The following TRAPPC9 variants were observed in gnomAD, a reference collection of about 807,000 sequenced individuals.
TRAPPC9 encodes IKK2 binding protein.
Under a neutral mutation model 124.0 loss-of-function variants are expected in TRAPPC9, and 83 were observed. That is an observed-to-expected ratio of 0.67 (90% CI 0.56 to 0.80). The LOEUF (loss-of-function observed/expected upper bound fraction) is 0.80, where lower values mean the gene tolerates loss of function less well. Ranked by LOEUF, TRAPPC9 falls within the 30% of genes least tolerant of loss-of-function variation. TRAPPC9 has a pLI of 0.00. For synonymous variants in TRAPPC9, 638 were observed against 617.5 expected (o/e 1.03, Z -0.49); for missense variants, 1,302 against 1,508.3 (o/e 0.86, Z 2.27).
In TRAPPC9 at chr8:140,079,147, G is replaced by A. The variant is rs534358938; in HGVS notation, c.2557-55068C>T. Reference sequence around the variant, plus strand: ...TCTCTTGCCTGCTGCCATGTAAGACGTGACTTTGTTCCTCATTCACCTTCT... The same window carrying A: ...TCTCTTGCCTGCTGCCATGTAAGACATGACTTTGTTCCTCATTCACCTTCT... On this transcript the variant is annotated intron_variant, in intron 17 of 22. Coordinates refer to ENST00000438773, the MANE Select transcript of TRAPPC9 (RefSeq NM_001160372.4). 2.0e-5 allele frequency among the ~76,000 whole-genome samples: 3 copies of A among 152,220 alleles called. No homozygotes were observed. The East Asian group carries it at 5.8e-4, about 29-fold the overall frequency.
intron 7 of TRAPPC9, among the ~76,000 whole-genome samples, chr8:140,376,831 C>T (rs1156404023): frequency 2.0e-5 from 3 of 147,548 alleles, no homozygotes; most frequent in East Asian, 4.0e-4. Flanking sequence ...GAACCGAGAT[C>T]GCGCCACTGC....
At chr8:139,939,137 G>A (rs1299241216) in intron 19 of TRAPPC9, among the ~76,000 whole-genome samples, 1 of 152,226 alleles carries the variant, frequency 6.6e-6, no homozygotes, top group African/African-American at 2.4e-5. Context: ...GGCCAGACAA[G>A]TGAGCAGGCA....
intron 18 of TRAPPC9, among the ~76,000 whole-genome samples, chr8:140,005,908 TAA>T (rs757182607): frequency 4.2e-4 from 44 of 104,032 alleles, no homozygotes; most frequent in Admixed American, 5.1e-4. Context: ...AGACCCTGTC[TAA>T]AAAAAAAAAA....
intron 17 of TRAPPC9, among the ~76,000 whole-genome samples, chr8:140,055,407 A>G (rs1326147799): frequency 6.6e-6 from 1 of 152,232 alleles, no homozygotes; most frequent in African/African-American, 2.4e-5. Flanking sequence ...CCCACAGCTA[A>G]TATCACACTC....
chr8:140,383,294 C>T lies in TRAPPC9; in HGVS notation c.1135-12114G>A, dbSNP rs146816803. Reference sequence around the variant, plus strand: ...AAGGAACACAGCTCCTCACCAGCAACGGAGCAAAGCTAGACAGAGAATGAC... The same window carrying T: ...AAGGAACACAGCTCCTCACCAGCAATGGAGCAAAGCTAGACAGAGAATGAC... On this transcript the variant is annotated intron_variant, in intron 7 of 22. Transcript: ENST00000438773. 2.9e-3 allele frequency among the ~76,000 whole-genome samples: 435 copies of T among 152,288 alleles called. 2 individuals are homozygous for T. Among genetic ancestry groups the T allele is most frequent in the Non-Finnish European group, 3.5e-3 (239 of 68,028 alleles).
At chr8:139,756,999 C>T (rs1430344177) in intron 21 of TRAPPC9, among the ~76,000 whole-genome samples, 4 of 129,048 alleles carry the variant, frequency 3.1e-5, no homozygotes, top group South Asian at 2.7e-4. Context: ...GACAGCATGT[C>T]GCAGGAGGAG....
At chr8:140,228,167 T>C (rs990553282) in intron 16 of TRAPPC9, among the ~76,000 whole-genome samples, 35 of 152,232 alleles carry the variant, frequency 2.3e-4, no homozygotes, top group African/African-American at 8.2e-4. Context: ...TAAGGTTGAA[T>C]ACATTTTACT....
intron 17 of TRAPPC9, among the ~76,000 whole-genome samples, chr8:140,127,392 G>A (rs1437593369): frequency 6.6e-6 from 1 of 152,282 alleles, no homozygotes; most frequent in East Asian, 1.9e-4. Context: ...ATTTATTTTT[G>A]GTGATTTTAA....
At chr8:140,175,942 A>G (rs2062060570) in intron 17 of TRAPPC9, among the ~76,000 whole-genome samples, 1 of 152,270 alleles carries the variant, frequency 6.6e-6, no homozygotes, top group Non-Finnish European at 1.5e-5. Context: ...CATGCCAGAC[A>G]TCGGGCTATG....
At chr8:140,065,783 G>A (rs1484444218) in intron 17 of TRAPPC9, among the ~76,000 whole-genome samples, 1 of 152,236 alleles carries the variant, frequency 6.6e-6, no homozygotes, top group East Asian at 1.9e-4. Flanking sequence ...ACGTAAGACA[G>A]CTGATGGAGA....
At chr8:140,351,087 G>A (rs1369206275) in intron 9 of TRAPPC9, among the ~76,000 whole-genome samples, 1 of 151,550 alleles carries the variant, frequency 6.6e-6, no homozygotes, top group African/African-American at 2.4e-5. Flanking sequence ...GGGAGAGGAT[G>A]GCAGAAAAGG....
intron 19 of TRAPPC9, among the ~76,000 whole-genome samples, chr8:139,966,543 T>A (rs1835720332): frequency 6.6e-6 from 1 of 152,252 alleles, no homozygotes; most frequent in Non-Finnish European, 1.5e-5. Flanking sequence ...TGTCTCAGTC[T>A]GTTTCTTGTG....
At chr8:140,244,887 A>ATC (rs1469105602) in intron 16 of TRAPPC9, among the ~76,000 whole-genome samples, 1 of 142,464 alleles carries the variant, frequency 7.0e-6, no homozygotes, top group Admixed American at 7.4e-5. Flanking sequence ...GCTCACTGCA[A>ATC]TCTCTGCTTT....
chr8:139,993,101 C>T (rs1837745757), intron 18 of TRAPPC9, among the ~76,000 whole-genome samples: 2 of 152,186 alleles, frequency 1.3e-5, no homozygotes, highest in South Asian at 2.1e-4. Flanking sequence ...ACATCAAAAA[C>T]CAAAGCAAAG....
chr8:140,297,841 C>A (rs7341646), intron 11 of TRAPPC9, among the ~76,000 whole-genome samples: 1 of 152,196 alleles, frequency 6.6e-6, no homozygotes, highest in African/African-American at 2.4e-5. Context: ...TGTGTCTTGC[C>A]TGCATGAACT....
chr8:140,089,670 C>A (rs1844434383), intron 17 of TRAPPC9, among the ~76,000 whole-genome samples: 1 of 152,162 alleles, frequency 6.6e-6, no homozygotes, highest in Non-Finnish European at 1.5e-5. Context: ...AAGATGAGAA[C>A]CTCGCCTTCT....
intron 19 of TRAPPC9, among the ~76,000 whole-genome samples, chr8:139,979,310 G>C (rs80275469): frequency 0.013 from 2,015 of 152,246 alleles, 49 homozygotes; most frequent in African/African-American, 0.046. Flanking sequence ...AGGGGTCCTG[G>C]GCTCTGGCCA....
chr8:140,396,949 C>G (rs1349738390), intron 7 of TRAPPC9, among the ~76,000 whole-genome samples: 4 of 144,878 alleles, frequency 2.8e-5, no homozygotes, highest in Admixed American at 2.8e-4. Flanking sequence ...CTCTTTCCCC[C>G]ACCCTTAGCA....
At chr8:139,972,961 C>A (rs1023200084) in intron 19 of TRAPPC9, among the ~76,000 whole-genome samples, 5 of 152,194 alleles carry the variant, frequency 3.3e-5, no homozygotes, top group African/African-American at 4.8e-5. Context: ...TCCTCTCCTC[C>A]CACCACTGAC....
Sources: allele counts gnomAD v4.1 joint callset (sites outside exome capture counted in the v4.1 genomes callset), GRCh38; gene constraint gnomAD v4.1.1; transcripts MANE v1.5; gene names NCBI Gene and HGNC (gene_info 2026-07-23, HGNC 2026-07-21).